Variants in NEK7 observed in about 807,000 individuals in gnomAD.
NEK7 encodes serine/threonine-protein kinase Nek7.
A neutral mutation model predicts 44.6 loss-of-function variants in NEK7; 18 were observed. The observed-to-expected ratio is 0.40, with a 90% CI of 0.28 to 0.60. NEK7 has a LOEUF of 0.60. Ranked by LOEUF, NEK7 falls within the 20% of genes least tolerant of loss-of-function variation. The pLI is 0.38. For missense variants in NEK7, 256 were observed against 366.5 expected (o/e 0.70, Z 2.46); for synonymous variants, 130 against 121.1 (o/e 1.07, Z -0.48).
At chr1:198,299,393 C>T (rs1654812393) in intron 9 of NEK7, among the ~76,000 whole-genome samples, 1 of 152,100 alleles carries the variant, frequency 6.6e-6, no homozygotes, top group Non-Finnish European at 1.5e-5. Context: ...AGCCAAAAAT[C>T]CCAAATTTGG....
At chr1:198,231,316 TATATATATATATATATATATAA>T (rs1666389342) in intron 1 of NEK7, among the ~76,000 whole-genome samples, 3 of 142,046 alleles carry the variant, frequency 2.1e-5, no homozygotes, top group African/African-American at 7.8e-5. Flanking sequence ...TATATATATA[TATATATATATATATATATATAA>T]AAACACATGA....
intron 1 of NEK7, among the ~76,000 whole-genome samples, chr1:198,230,652 T>C (rs189454654): frequency 2.6e-5 from 4 of 152,186 alleles, no homozygotes; most frequent in African/African-American, 9.6e-5. Context: ...CTATTCATTG[T>C]ACTGGATGTT....
intron 1 of NEK7, among the ~76,000 whole-genome samples, chr1:198,207,700 A>G (rs545643834): frequency 6.6e-6 from 1 of 152,282 alleles, no homozygotes; most frequent in East Asian, 1.9e-4. Context: ...CACTGAAAGG[A>G]CACAGGGGAC....
intron 9 of NEK7, among the ~76,000 whole-genome samples, chr1:198,307,670 G>A (rs1413308731): frequency 6.6e-6 from 1 of 152,044 alleles, no homozygotes; most frequent in Non-Finnish European, 1.5e-5. Flanking sequence ...TTACCACTGC[G>A]TTCACTGAAT....
At chr1:198,190,012 A>G (rs941039168) in intron 1 of NEK7, among the ~76,000 whole-genome samples, 2 of 152,158 alleles carry the variant, frequency 1.3e-5, no homozygotes, top group Non-Finnish European at 2.9e-5. Context: ...AACATCTTGA[A>G]TAATTCTTTC....
At chr1:198,213,190 G>A (rs1225052098) in intron 1 of NEK7, among the ~76,000 whole-genome samples, 2 of 152,182 alleles carry the variant, frequency 1.3e-5, no homozygotes, top group Non-Finnish European at 2.9e-5. Context: ...CAGTAGTCTG[G>A]CCTTTAGGGA....
intron 2 of NEK7, among the ~76,000 whole-genome samples, chr1:198,249,621 A>G (rs1029096796): frequency 6.6e-6 from 1 of 151,902 alleles, no homozygotes; most frequent in Non-Finnish European, 1.5e-5. Context: ...TTTGATTTGC[A>G]TTTCTCTGAT....
intron 1 of NEK7, among the ~76,000 whole-genome samples, chr1:198,198,370 G>T (rs1207950066): frequency 2.0e-5 from 3 of 152,152 alleles, no homozygotes; most frequent in African/African-American, 7.2e-5. Context: ...TAGTCCGGTG[G>T]CCAAGAGGTG....
intron 8 of NEK7, among the ~76,000 whole-genome samples, chr1:198,295,283 A>C (rs1654679883): frequency 6.6e-6 from 1 of 152,162 alleles, no homozygotes; most frequent in Non-Finnish European, 1.5e-5. Flanking sequence ...AGTTCAAAAA[A>C]AAAGAGAGCT....
intron 8 of NEK7, 48 bp downstream of exon 8, chr1:198,293,087 A>G (rs762185574): frequency 3.1e-6 from 3 of 970,662 alleles, no homozygotes; most frequent in Admixed American, 3.5e-5. Flanking sequence ...TTTACTTAGT[A>G]TATTTCCTCT....
At chr1:198,312,892 G>C (rs563931459) in intron 9 of NEK7, among the ~76,000 whole-genome samples, 2 of 152,094 alleles carry the variant, frequency 1.3e-5, no homozygotes, top group African/African-American at 4.8e-5. Flanking sequence ...GTGTGGCGTG[G>C]TGCTGAAAAA....
At chr1:198,235,240 C>T (rs942040083) in intron 2 of NEK7, among the ~76,000 whole-genome samples, 6 of 152,122 alleles carry the variant, frequency 3.9e-5, no homozygotes, top group African/African-American at 1.2e-4. Context: ...AATACTCTCA[C>T]CCCATAATGT....
intron 7 of NEK7, among the ~76,000 whole-genome samples, chr1:198,282,404 A>G (rs1352682410): frequency 6.6e-6 from 1 of 151,970 alleles, no homozygotes; most frequent in African/African-American, 2.4e-5. Context: ...GTATCTCCCC[A>G]GTTCATGATG....
chr1:198,278,977 A>C lies in NEK7; in HGVS notation c.505A>C (p.Ile169Leu). 6.2e-7 allele frequency: 1 copy of C among 1,608,512 alleles called. No individual in the cohort carries two copies. The highest frequency in any genetic ancestry group is 8.5e-7 in the Non-Finnish European group (1 of 1,175,882). The change falls in exon 7 of 10, where the codon ATT (isoleucine) becomes CTT (leucine). Residue 169 changes from isoleucine to leucine, a missense_variant. Ile to Leu is a conservative substitution (Grantham distance 5). Coordinates refer to ENST00000367385, the MANE Select transcript of NEK7 (RefSeq NM_133494.3). ...AGATATAAAACCAGCTAATGTGTTCATTACAGCCACTGGGGTGGTAAAACT... is the reference window on the plus strand; with the variant it reads ...AGATATAAAACCAGCTAATGTGTTCCTTACAGCCACTGGGGTGGTAAAACT... ...HRDIKPANVFITATGVVKLGD... is the reference protein window; with the variant it reads ...HRDIKPANVFLTATGVVKLGD...
At chr1:198,252,554 A>ATATATATG (rs1653073218) in intron 2 of NEK7, among the ~76,000 whole-genome samples, 1 of 68,646 alleles carries the variant, frequency 1.5e-5, no homozygotes, top group Non-Finnish European at 2.3e-5. Flanking sequence ...ATATATATAT[A>ATATATATG]TATATATATA....
At chr1:198,239,701 TA>T (rs1216411545) in intron 2 of NEK7, among the ~76,000 whole-genome samples, 1 of 152,140 alleles carries the variant, frequency 6.6e-6, no homozygotes, top group Non-Finnish European at 1.5e-5. Flanking sequence ...TTTGAATGGA[TA>T]ATCTCTAACT....
chr1:198,212,334 A>G (rs1025069028), intron 1 of NEK7, among the ~76,000 whole-genome samples: 2 of 152,330 alleles, frequency 1.3e-5, no homozygotes, highest in African/African-American at 2.4e-5. Context: ...GCCTGGGGGC[A>G]GTTTTGTGTT....
intron 3 of NEK7, among the ~76,000 whole-genome samples, chr1:198,258,614 T>G (rs930018505): frequency 1.3e-5 from 2 of 152,232 alleles, no homozygotes; most frequent in African/African-American, 4.8e-5. Flanking sequence ...GTTAACCTTT[T>G]CAGTTTCATT....
At chr1:198,167,145 T>C (rs916362112) in intron 1 of NEK7, among the ~76,000 whole-genome samples, 1 of 152,224 alleles carries the variant, frequency 6.6e-6, no homozygotes, top group African/African-American at 2.4e-5. Flanking sequence ...GCAATCCTTG[T>C]CTTTCCTTGG....
Sources: gnomAD v4.1 joint callset for allele counts (sites outside exome capture counted in the v4.1 genomes callset) on GRCh38, gnomAD v4.1.1 for gene constraint, MANE v1.5 for transcripts, NCBI Gene and HGNC (gene_info 2026-07-23, HGNC 2026-07-21) for gene names.